RBFOX1: variants seen among roughly 807,000 people sequenced by gnomAD.
RBFOX1 encodes the protein RNA binding protein fox-1 homolog 1.
A neutral mutation model predicts 57.7 loss-of-function variants in RBFOX1; 8 were observed. The observed-to-expected ratio is 0.14, with a 90% CI of 0.08 to 0.25. The LOEUF is 0.25. RBFOX1 is among the 10% of genes least tolerant of loss of function. The pLI is 1.00. For synonymous variants in RBFOX1, 326 were observed against 222.4 expected (o/e 1.47, Z -4.15); for missense variants, 611 against 548.5 (o/e 1.11, Z -1.14).
intron 1 of RBFOX1, among the ~76,000 whole-genome samples, chr16:6,224,569 G>T (rs1180661069): frequency 6.6e-6 from 1 of 152,134 alleles, no homozygotes; most frequent in Non-Finnish European, 1.5e-5. Context: ...AGTTGGTGTT[G>T]CTTGTACCCT....
intron 1 of RBFOX1, among the ~76,000 whole-genome samples, chr16:5,324,710 A>G (rs1360580916): frequency 6.6e-6 from 1 of 152,328 alleles, no homozygotes; most frequent in East Asian, 1.9e-4. Flanking sequence ...ACAAGAATAG[A>G]AAACCAAATA....
chr16:5,943,947 C>T (rs2059334816), intron 4 of RBFOX1, among the ~76,000 whole-genome samples: 1 of 150,430 alleles, frequency 6.6e-6, no homozygotes, highest in Admixed American at 6.6e-5. Flanking sequence ...TATTTTCCAT[C>T]CATCCATCCA....
chr16:7,533,187 G>C (rs183307515), intron 5 of RBFOX1, among the ~76,000 whole-genome samples: 1 of 152,132 alleles, frequency 6.6e-6, no homozygotes, highest in Admixed American at 6.5e-5. Flanking sequence ...CTTTCAGGTC[G>C]TCTGGGTTGT....
chr16:5,928,717 A>G (rs2058986707), intron 4 of RBFOX1, among the ~76,000 whole-genome samples: 1 of 152,024 alleles, frequency 6.6e-6, no homozygotes, highest in African/African-American at 2.4e-5. Flanking sequence ...AAAAAAAAAA[A>G]AAATTCCTGA....
At chr16:7,285,315 G>C (rs1246926523) in intron 4 of RBFOX1, among the ~76,000 whole-genome samples, 2 of 151,810 alleles carry the variant, frequency 1.3e-5, no homozygotes, top group African/African-American at 4.8e-5. Context: ...ATCACATCTA[G>C]GATATTGATG....
At chr16:6,527,399 C>T (rs889313309) in intron 2 of RBFOX1, among the ~76,000 whole-genome samples, 4 of 152,004 alleles carry the variant, frequency 2.6e-5, no homozygotes, top group Non-Finnish European at 4.4e-5. Flanking sequence ...CAGGCTACTT[C>T]GTCCTTCCCC....
chr16:6,889,275 G>C (rs1360759843), intron 3 of RBFOX1, among the ~76,000 whole-genome samples: 3 of 152,162 alleles, frequency 2.0e-5, no homozygotes, highest in Non-Finnish European at 4.4e-5. Flanking sequence ...CCCATGGCTT[G>C]CTTTGACCAG....
At chr16:7,241,329 A>C (rs1049602859) in intron 4 of RBFOX1, among the ~76,000 whole-genome samples, 2 of 152,150 alleles carry the variant, frequency 1.3e-5, no homozygotes, top group Non-Finnish European at 2.9e-5. Flanking sequence ...AGCAGGAAGC[A>C]GGTCACCTCC....
At chr16:5,366,160 C>T (rs1257544994) in intron 1 of RBFOX1, 3 of 422,668 alleles carry the variant, frequency 7.1e-6, no homozygotes, top group Non-Finnish European at 1.4e-5. Flanking sequence ...GAGGAAGATG[C>T]AGAGTCAGAA....
chr16:7,188,263 G>A (rs74692425), intron 4 of RBFOX1, among the ~76,000 whole-genome samples: 4,787 of 152,266 alleles, frequency 0.031, 103 homozygotes, highest in Non-Finnish European at 0.042. Flanking sequence ...TGCAGAGATG[G>A]AAAAGTTAAC....
intron 3 of RBFOX1, among the ~76,000 whole-genome samples, chr16:6,934,329 C>G (rs2077027455): frequency 6.6e-6 from 1 of 152,070 alleles, no homozygotes; most frequent in Non-Finnish European, 1.5e-5. Context: ...TTTCTTTTAT[C>G]AATACAGAAT....
At chr16:6,101,949 C>T (rs1157885626) in intron 1 of RBFOX1, among the ~76,000 whole-genome samples, 1 of 151,984 alleles carries the variant, frequency 6.6e-6, no homozygotes, top group African/African-American at 2.4e-5. Context: ...GCCTGGCTCT[C>T]GGAGGCCCAG....
At chr16:6,854,063 G>GGAAC (rs1403715283) in intron 3 of RBFOX1, among the ~76,000 whole-genome samples, 17 of 152,296 alleles carry the variant, frequency 1.1e-4, no homozygotes, top group African/African-American at 4.1e-4. Context: ...GTTCCTTCCA[G>GGAAC]AAATCCTATT....
chr16:6,920,306 G>A (rs750418364), intron 3 of RBFOX1, among the ~76,000 whole-genome samples: 8 of 152,086 alleles, frequency 5.3e-5, no homozygotes, highest in Non-Finnish European at 7.3e-5. Flanking sequence ...TGGGATTGCT[G>A]GATCAAACGG....
chr16:5,930,062 A>G (rs148986698), intron 4 of RBFOX1, among the ~76,000 whole-genome samples: 1 of 151,642 alleles, frequency 6.6e-6, no homozygotes, highest in Non-Finnish European at 1.5e-5. Flanking sequence ...GTACAGCTGG[A>G]GAATGGGGGC....
chr16:6,045,793 A>T (rs1039504489), intron 1 of RBFOX1, among the ~76,000 whole-genome samples: 1 of 152,228 alleles, frequency 6.6e-6, no homozygotes, highest in Non-Finnish European at 1.5e-5. Context: ...TGCTATGTCA[A>T]TGGAGCGGCC....
At chr16:5,510,015 C>A (rs764095176) in intron 2 of RBFOX1, among the ~76,000 whole-genome samples, 2 of 152,210 alleles carry the variant, frequency 1.3e-5, no homozygotes, top group Non-Finnish European at 2.9e-5. Flanking sequence ...AGCTCAGCCA[C>A]GCCCTACCCC....
intron 4 of RBFOX1, among the ~76,000 whole-genome samples, chr16:7,139,200 G>GTGTA (rs1567416526): frequency 6.6e-6 from 1 of 151,716 alleles, no homozygotes; most frequent in South Asian, 2.1e-4. Flanking sequence ...GTGTGTGTAT[G>GTGTA]TGTGTGTGTT....
chr16:6,242,007 C>T lies in RBFOX1; in HGVS notation c.-126-74988C>T, dbSNP rs201479672. On this transcript the variant is annotated intron_variant, in intron 1 of 15. Coordinates refer to ENST00000550418, the MANE Select transcript of RBFOX1 (RefSeq NM_018723.4). ...AACAGAAAAGAACATTCATATTTTGCATGTAGTTAAAAAAATAAGAATTTC... is the reference window on the plus strand; with the variant it reads ...AACAGAAAAGAACATTCATATTTTGTATGTAGTTAAAAAAATAAGAATTTC... Among the ~76,000 whole-genome samples the T allele has an allele frequency of 2.0e-5, 3 of 152,216 alleles. No individual in the cohort carries two copies. In the East Asian group the frequency reaches 5.8e-4, roughly 29 times the overall value.
Sources: allele counts gnomAD v4.1 joint callset (sites outside exome capture counted in the v4.1 genomes callset), GRCh38; gene constraint gnomAD v4.1.1; transcripts MANE v1.5; gene names NCBI Gene and HGNC (gene_info 2026-07-23, HGNC 2026-07-21).